The following CENPP variants were observed in gnomAD, a reference collection of about 807,000 sequenced individuals.
CENPP encodes the protein centromere protein P.
Under a neutral mutation model 35.6 loss-of-function variants are expected in CENPP, and 24 were observed. The ratio of observed to expected loss-of-function variants is 0.67; its 90% CI spans 0.49 to 0.95. The LOEUF is 0.95. CENPP is among the 40% of genes least tolerant of loss of function. The pLI is 0.00. For synonymous variants in CENPP, 120 were observed against 125.5 expected (o/e 0.96, Z 0.29); for missense variants, 332 against 345.3 (o/e 0.96, Z 0.31).
At chr9:92,400,040 A>G (rs1166338689) in intron 5 of CENPP, among the ~76,000 whole-genome samples, 1 of 152,198 alleles carries the variant, frequency 6.6e-6, no homozygotes, top group Non-Finnish European at 1.5e-5. Context: ...AAAAAAATTT[A>G]TTGGTAATTT....
chr9:92,574,938 A>C (rs1850243123), intron 5 of CENPP, among the ~76,000 whole-genome samples: 1 of 152,248 alleles, frequency 6.6e-6, no homozygotes, highest in South Asian at 2.1e-4. Flanking sequence ...AATTTTGACT[A>C]ATGTGCCAAG....
At chr9:92,470,430 T>C (rs1845469118) in intron 5 of CENPP, among the ~76,000 whole-genome samples, 1 of 152,228 alleles carries the variant, frequency 6.6e-6, no homozygotes, top group African/African-American at 2.4e-5. Flanking sequence ...TTGAGGACCA[T>C]TAAACTCAGC....
At chr9:92,517,733 T>C (rs201771443) in intron 5 of CENPP, 1 of 1,614,126 alleles carries the variant, frequency 6.2e-7, no homozygotes, top group East Asian at 2.2e-5. Context: ...GTATAACTGT[T>C]TGGGGGCACC....
chr9:92,398,799 G>A (rs774743800), intron 5 of CENPP, among the ~76,000 whole-genome samples: 1 of 152,132 alleles, frequency 6.6e-6, no homozygotes, highest in Non-Finnish European at 1.5e-5. Context: ...GGCCGGGAGT[G>A]GTGGCTCACG....
intron 4 of CENPP, among the ~76,000 whole-genome samples, chr9:92,364,692 A>G (rs770271870): frequency 2.3e-4 from 35 of 152,242 alleles, no homozygotes; most frequent in Non-Finnish European, 4.6e-4. Flanking sequence ...CATATTATGT[A>G]CTTTGCATTG....
intron 4 of CENPP, among the ~76,000 whole-genome samples, chr9:92,373,563 C>T (rs1842056769): frequency 6.6e-6 from 1 of 152,092 alleles, no homozygotes; most frequent in Non-Finnish European, 1.5e-5. Context: ...CATGGTGGCT[C>T]ACGCCTGTAA....
chr9:92,436,513 T>A (rs1844249412), intron 5 of CENPP, among the ~76,000 whole-genome samples: 1 of 152,240 alleles, frequency 6.6e-6, no homozygotes, highest in Non-Finnish European at 1.5e-5. Flanking sequence ...TCATCTATGT[T>A]ATTTTCTAAA....
At chr9:92,338,036 A>G (rs1426507800) in intron 3 of CENPP, among the ~76,000 whole-genome samples, 1 of 152,158 alleles carries the variant, frequency 6.6e-6, no homozygotes, top group Admixed American at 6.6e-5. Context: ...AATAGGCCAA[A>G]CATGGTGGCT....
chr9:92,387,176 C>T (rs927564455), intron 5 of CENPP, among the ~76,000 whole-genome samples: 5 of 151,596 alleles, frequency 3.3e-5, no homozygotes, highest in African/African-American at 1.2e-4. Context: ...AGTTCGAGAC[C>T]AGCCTGGCCA....
In CENPP at chr9:92,593,080, G is replaced by A. The variant is rs894999474; in HGVS notation, c.565-18234G>A. Among the ~76,000 whole-genome samples the A allele has an allele frequency of 6.6e-6, 1 of 152,218 alleles. No homozygotes were observed. Among genetic ancestry groups the A allele is most frequent in the African/African-American group, 2.4e-5 (1 of 41,462 alleles). On this transcript the variant is annotated intron_variant, in intron 5 of 7. Coordinates refer to ENST00000375587, the MANE Select transcript of CENPP (RefSeq NM_001012267.3). The surrounding 1 kb of genome is among the most constrained non-coding windows in gnomAD (Gnocchi z 4.1). ...GCTGGAGGCTTCTCTCCCACTGTGTGAGCCTCCCAGCAGCCCTGGCATCAT... is the reference window on the plus strand; with the variant it reads ...GCTGGAGGCTTCTCTCCCACTGTGTAAGCCTCCCAGCAGCCCTGGCATCAT...
intron 5 of CENPP, among the ~76,000 whole-genome samples, chr9:92,453,981 T>G (rs1844796987): frequency 6.6e-6 from 1 of 152,136 alleles, no homozygotes; most frequent in South Asian, 2.1e-4. Flanking sequence ...AAAAAAAAGT[T>G]TTTGTTTTAG....
intron 5 of CENPP, among the ~76,000 whole-genome samples, chr9:92,455,270 G>A (rs148915684): frequency 1.8e-4 from 27 of 152,234 alleles, no homozygotes; most frequent in Non-Finnish European, 4.4e-5. Context: ...TGCACCTGTA[G>A]TCCCAGCTAC....
chr9:92,510,557 T>C (rs1312520753), intron 5 of CENPP, among the ~76,000 whole-genome samples: 1 of 152,234 alleles, frequency 6.6e-6, no homozygotes, highest in Non-Finnish European at 1.5e-5. Context: ...TCACAAGCCA[T>C]TCCAATATGG....
intron 5 of CENPP, chr9:92,496,103 CTG>C (rs1846331456): frequency 8.5e-7 from 1 of 1,182,166 alleles, no homozygotes; most frequent in Non-Finnish European, 1.0e-6. Flanking sequence ...AGGTAGGAAA[CTG>C]AGAGATTTTA....
upstream of CENPP, chr9:92,325,699 G>A (rs1840429087): frequency 2.8e-6 from 1 of 357,680 alleles, no homozygotes; most frequent in Non-Finnish European, 5.2e-6. Flanking sequence ...CTGCCGGCTA[G>A]GGTGAGCAGC....
At chr9:92,355,127 A>G (rs1366028766) in intron 4 of CENPP, among the ~76,000 whole-genome samples, 1 of 152,188 alleles carries the variant, frequency 6.6e-6, no homozygotes, top group Non-Finnish European at 1.5e-5. Flanking sequence ...AGGGTTTGAG[A>G]GCAGAGAACC....
chr9:92,489,130 C>G (rs796155048), intron 5 of CENPP, among the ~76,000 whole-genome samples: 1 of 152,340 alleles, frequency 6.6e-6, no homozygotes, highest in African/African-American at 2.4e-5. Context: ...GCCGGGCTTA[C>G]AGTCTCGAAT....
At chr9:92,568,851 T>C (rs1850062527) in intron 5 of CENPP, among the ~76,000 whole-genome samples, 1 of 152,250 alleles carries the variant, frequency 6.6e-6, no homozygotes, top group South Asian at 2.1e-4. Context: ...ATGAGCATTT[T>C]TTCATGTGTC....
chr9:92,449,859 G>A (rs1239395106), intron 5 of CENPP, among the ~76,000 whole-genome samples: 1 of 152,110 alleles, frequency 6.6e-6, no homozygotes, highest in African/African-American at 2.4e-5. Flanking sequence ...TTCCTATACA[G>A]CCTGCAGAAC....
Sources: allele counts gnomAD v4.1 joint callset (sites outside exome capture counted in the v4.1 genomes callset), GRCh38; gene constraint gnomAD v4.1.1; non-coding constraint Gnocchi (gnomAD v3.1); transcripts MANE v1.5; gene names NCBI Gene and HGNC (gene_info 2026-07-23, HGNC 2026-07-21).